The following ZDHHC14 variants were observed in gnomAD, a reference collection of about 807,000 sequenced individuals.
ZDHHC14 encodes the protein palmitoyltransferase ZDHHC14.
In ZDHHC14, 16 loss-of-function variants were observed where a neutral mutation model predicts 47.7. That is an observed-to-expected ratio of 0.34 (90% CI 0.23 to 0.51). The LOEUF (loss-of-function observed/expected upper bound fraction) is 0.51, where lower values mean the gene tolerates loss of function less well. ZDHHC14 is among the 20% of genes least tolerant of loss of function. The pLI is 0.97. For missense variants in ZDHHC14, 515 were observed against 662.5 expected (o/e 0.78, Z 2.44); for synonymous variants, 293 against 278.9 (o/e 1.05, Z -0.50).
chr6:157,485,155 A>T (rs967985041), intron 1 of ZDHHC14, among the ~76,000 whole-genome samples: 8 of 152,064 alleles, frequency 5.3e-5, no homozygotes, highest in Non-Finnish European at 1.2e-4. Context: ...GGAATTATAG[A>T]CTCTTGGACC....
At chr6:157,584,246 G>T (rs1381143288) in intron 2 of ZDHHC14, among the ~76,000 whole-genome samples, 1 of 152,162 alleles carries the variant, frequency 6.6e-6, no homozygotes, top group African/African-American at 2.4e-5. Flanking sequence ...GACTCTACTT[G>T]TTGAAGAGTG....
chr6:157,666,542 A>G (rs1178467871), intron 8 of ZDHHC14, among the ~76,000 whole-genome samples: 1 of 152,244 alleles, frequency 6.6e-6, no homozygotes, highest in Non-Finnish European at 1.5e-5. Context: ...GTAACTGTTA[A>G]TAAGCATTCA....
intron 3 of ZDHHC14, among the ~76,000 whole-genome samples, chr6:157,609,595 G>C (rs1333414214): frequency 6.6e-6 from 1 of 152,218 alleles, no homozygotes; most frequent in African/African-American, 2.4e-5. Context: ...TCTTAAATAA[G>C]AAGTGCCATC....
intron 1 of ZDHHC14, among the ~76,000 whole-genome samples, chr6:157,444,973 C>G (rs964992885): frequency 6.6e-6 from 1 of 152,110 alleles, no homozygotes; most frequent in African/African-American, 2.4e-5. Flanking sequence ...CAAAACATAA[C>G]AGGGATCCCA....
At chr6:157,657,579 T>C (rs1457797094) in intron 8 of ZDHHC14, among the ~76,000 whole-genome samples, 2 of 152,168 alleles carry the variant, frequency 1.3e-5, no homozygotes, top group Non-Finnish European at 2.9e-5. Flanking sequence ...TTAAAGCCCA[T>C]GGACCCCATG....
intron 7 of ZDHHC14, among the ~76,000 whole-genome samples, chr6:157,652,228 G>C (rs1345970263): frequency 6.6e-6 from 1 of 152,122 alleles, no homozygotes; most frequent in African/African-American, 2.4e-5. Context: ...CTGGCTTATT[G>C]TTCTGCCACT....
In ZDHHC14 at chr6:157,673,458, G is replaced by A. The variant is rs1243054975; in HGVS notation, c.*336G>A. The stretch of plus-strand genomic sequence containing the variant: ...ACACGGAAGGCTTCTGACGCTTGTG[G>A]CCAGACTGCAATTGCACTTATGTGT... On this transcript the variant is annotated 3_prime_UTR_variant, in exon 9 of 9. Transcript: ENST00000359775. This position sits in a 1 kb window ranked among gnomAD's most constrained non-coding sequence, Gnocchi z 5.4. 5.5e-6 allele frequency: 2 copies of A among 362,548 alleles called. No homozygotes were observed. Among genetic ancestry groups the A allele is most frequent in the African/African-American group, 4.3e-5 (2 of 46,536 alleles). The allele number at this position is 362,548 out of a possible 1,614,324, so 22.5% of individuals were successfully genotyped here. A position where few individuals can be genotyped will look rare whatever the true frequency, so the allele number is the denominator to read the frequency against.
intron 7 of ZDHHC14, among the ~76,000 whole-genome samples, chr6:157,648,861 CAGTA>C (rs541046365): frequency 3.2e-4 from 48 of 152,344 alleles, no homozygotes; most frequent in South Asian, 1.9e-3. Context: ...GGTCAGGAAA[CAGTA>C]AGAGCCAGGG....
chr6:157,638,795 G>A (rs1249976995), intron 5 of ZDHHC14, among the ~76,000 whole-genome samples: 2 of 152,380 alleles, frequency 1.3e-5, no homozygotes, highest in Middle Eastern at 3.4e-3. Flanking sequence ...GACACAGCCT[G>A]TGCTTGGGGT....
rs572557548 is a variant in ZDHHC14, at chr6:157,518,851, G to A, written c.246-23734G>A. Among the ~76,000 whole-genome samples, 221 of 152,352 alleles carry A rather than the reference G, an allele frequency of 1.5e-3. No individual in the cohort carries two copies. The Middle Eastern group carries it at 0.024, about 16-fold the overall frequency. Reference sequence around the variant, plus strand: ...CGCATTCCCAGCGCATTCTTGTGAGGGGTGTAGTCTTCACAGTCACATGTG... The same window carrying A: ...CGCATTCCCAGCGCATTCTTGTGAGAGGTGTAGTCTTCACAGTCACATGTG... On this transcript the variant is annotated intron_variant, in intron 1 of 8. Coordinates refer to ENST00000359775, the MANE Select transcript of ZDHHC14 (RefSeq NM_024630.3).
At chr6:157,602,896 G>A (rs921052786) in intron 3 of ZDHHC14, among the ~76,000 whole-genome samples, 1 of 152,196 alleles carries the variant, frequency 6.6e-6, no homozygotes, top group African/African-American at 2.4e-5. Context: ...TGTGGTTTAA[G>A]CAACAGGTCC....
intron 1 of ZDHHC14, among the ~76,000 whole-genome samples, chr6:157,510,436 T>C (rs1459918190): frequency 6.6e-6 from 1 of 152,144 alleles, no homozygotes; most frequent in African/African-American, 2.4e-5. Context: ...CACTGCTCCA[T>C]GAAGCCGTCC....
At chr6:157,577,388 G>A (rs1392936945) in intron 2 of ZDHHC14, among the ~76,000 whole-genome samples, 2 of 152,192 alleles carry the variant, frequency 1.3e-5, no homozygotes, top group Admixed American at 6.5e-5. Flanking sequence ...CCAAAAATGG[G>A]ATTGCTGGGC....
At chr6:157,659,633 C>T (rs1291215501) in intron 8 of ZDHHC14, among the ~76,000 whole-genome samples, 3 of 152,012 alleles carry the variant, frequency 2.0e-5, no homozygotes, top group African/African-American at 7.2e-5. Context: ...GAAAGGGTCC[C>T]GAAGCCCTAA....
chr6:157,422,289 G>T (rs1005982558), intron 1 of ZDHHC14, among the ~76,000 whole-genome samples: 8 of 152,120 alleles, frequency 5.3e-5, no homozygotes, highest in African/African-American at 1.9e-4. Context: ...TTGGTGCAAG[G>T]GTTGCTGTCA....
chr6:157,577,239 C>A (rs1421442030), intron 2 of ZDHHC14, among the ~76,000 whole-genome samples: 1 of 152,052 alleles, frequency 6.6e-6, no homozygotes, highest in Non-Finnish European at 1.5e-5. Flanking sequence ...GTATATGTAC[C>A]ACATTTTCTT....
intron 1 of ZDHHC14, among the ~76,000 whole-genome samples, chr6:157,477,447 A>G (rs1583684753): frequency 6.6e-6 from 1 of 152,356 alleles, no homozygotes; most frequent in East Asian, 1.9e-4. Flanking sequence ...TATCTTAAAT[A>G]TAGATAACCC....
intron 8 of ZDHHC14, among the ~76,000 whole-genome samples, chr6:157,655,549 C>A (rs1477019449): frequency 3.3e-5 from 5 of 152,202 alleles, no homozygotes; most frequent in African/African-American, 1.2e-4. Flanking sequence ...GAATTCTGGC[C>A]GCAGCATACG....
chr6:157,653,176 G>A (rs546671171), intron 7 of ZDHHC14, among the ~76,000 whole-genome samples: 10 of 152,286 alleles, frequency 6.6e-5, no homozygotes, highest in African/African-American at 1.4e-4. Flanking sequence ...GTAAGAAGAC[G>A]TGCAGTTGAG....
Sources: gnomAD v4.1 joint callset for allele counts (sites outside exome capture counted in the v4.1 genomes callset) on GRCh38, gnomAD v4.1.1 for gene constraint, Gnocchi (gnomAD v3.1) non-coding constraint, MANE v1.5 for transcripts, NCBI Gene and HGNC (gene_info 2026-07-23, HGNC 2026-07-21) for gene names.